Variants in HS3ST2 observed in about 807,000 individuals in gnomAD.
The protein encoded by HS3ST2 is heparan sulfate-glucosamine 3-sulfotransferase 2.
In HS3ST2, 17 loss-of-function variants were observed where a neutral mutation model predicts 26.3. The ratio of observed to expected loss-of-function variants is 0.65; its 90% CI spans 0.44 to 0.97. The LOEUF (loss-of-function observed/expected upper bound fraction) is 0.97. HS3ST2 is among the 50% of genes least tolerant of loss of function. The probability of loss-of-function intolerance (pLI) is 0.00; values close to 1 mark genes in which losing one functional copy is unlikely to be tolerated. For synonymous variants in HS3ST2, 237 were observed against 219.2 expected, an observed-to-expected ratio of 1.08 and a Z score of -0.72; for missense variants, 402 against 501.2, an observed-to-expected ratio of 0.80 and a Z score of 1.89.
chr16:22,847,038 C>T (rs77355392), intron 1 of HS3ST2, among the ~76,000 whole-genome samples: 8,059 of 152,130 alleles, frequency 0.053, 689 homozygotes, highest in African/African-American at 0.18. Context: ...TAGGTAAACT[C>T]ATGCCATGGT....
chr16:22,841,126 A>T (rs1218183172), intron 1 of HS3ST2, among the ~76,000 whole-genome samples: 2 of 151,918 alleles, frequency 1.3e-5, no homozygotes, highest in Non-Finnish European at 2.9e-5. Flanking sequence ...CAATGGCGCG[A>T]TCTCAGCTCA....
In HS3ST2 at chr16:22,915,294, C is replaced by G; in HGVS notation, c.836C>G (p.Thr279Ser). ...IHFVSGERLI[T>S]DPAGEMGRVQ... ...TTCGTCAGTGGCGAGCGACTCATCA[C>G]TGACCCGGCCGGCGAGATGGGGCGA... is the stretch of plus-strand genomic sequence containing the variant. Residue 279 changes from threonine to serine, a missense_variant, in exon 2 of 2, where the codon ACT becomes AGT. Transcript: ENST00000261374. 1 of 1,614,124 alleles carries G rather than the reference C, an allele frequency of 6.2e-7. No individual in the cohort carries two copies. The highest frequency in any genetic ancestry group is 8.5e-7 in the Non-Finnish European group (1 of 1,180,042).
At chr16:22,910,191 A>G (rs1445838077) in intron 1 of HS3ST2, among the ~76,000 whole-genome samples, 2 of 152,198 alleles carry the variant, frequency 1.3e-5, no homozygotes, top group Non-Finnish European at 2.9e-5. Context: ...AGAGATGTTA[A>G]TTGGTGCTTC....
intron 1 of HS3ST2, among the ~76,000 whole-genome samples, chr16:22,883,687 C>T (rs1902023198): frequency 6.6e-6 from 1 of 152,150 alleles, no homozygotes; most frequent in Admixed American, 6.5e-5. Flanking sequence ...ACAATTAATG[C>T]TTCTCTTCAC....
At chr16:22,835,279 T>TA (rs1014873964) in intron 1 of HS3ST2, among the ~76,000 whole-genome samples, 1 of 149,104 alleles carries the variant, frequency 6.7e-6, no homozygotes, top group Non-Finnish European at 1.5e-5. Flanking sequence ...AGAAGTTATA[T>TA]AGGCTATTTC....
chr16:22,867,340 C>T (rs190379900), intron 1 of HS3ST2, among the ~76,000 whole-genome samples: 79 of 152,028 alleles, frequency 5.2e-4, no homozygotes, highest in Admixed American at 1.2e-3. Context: ...AAGCATGGCA[C>T]CAAAGACAGA....
chr16:22,814,445 G>A lies in HS3ST2; in HGVS notation c.-166G>A. On this transcript the variant is annotated 5_prime_UTR_variant, in exon 1 of 2. It adds an upstream start codon to the 5' untranslated region. Coordinates refer to ENST00000261374, the MANE Select transcript of HS3ST2 (RefSeq NM_006043.2). ...GCTGCCCCCGGGACCCCCTGGCACT[G>A]TGCGCACCCTGGTCAGCAGCCCCCG... 6.4e-6 allele frequency: 4 copies of A among 626,560 alleles called. No individual in the cohort carries two copies. Among genetic ancestry groups the A allele is most frequent in the Non-Finnish European group, 1.0e-5 (4 of 389,704 alleles). The allele number at this position is 626,560 out of a possible 1,614,324, so 38.8% of individuals were successfully genotyped here.
At chr16:22,893,952 A>G (rs1902169847) in intron 1 of HS3ST2, among the ~76,000 whole-genome samples, 1 of 151,894 alleles carries the variant, frequency 6.6e-6, no homozygotes, top group Non-Finnish European at 1.5e-5. Context: ...ATGCCTGGCT[A>G]ATTATTTTTA....
In HS3ST2 at chr16:22,915,055, G is replaced by A. The variant is rs200403638; in HGVS notation, c.597G>A (p.Lys199=). ...TCTTCAACATGTCCCGAGACACCAA[G>A]CTGATCGTGGTTGTGCGGAACCCTG... ...RRIFNMSRDT[K]LIVVVRNPVT... Residue 199 remains lysine (K), a synonymous_variant, in exon 2 of 2, where the codon AAG becomes AAA. Coordinates refer to ENST00000261374, the MANE Select transcript of HS3ST2 (RefSeq NM_006043.2). 156 of 1,614,086 alleles carry A rather than the reference G, an allele frequency of 9.7e-5. No homozygotes were observed. In the East Asian group the frequency reaches 3.4e-3, roughly 35 times the overall value.
intron 1 of HS3ST2, among the ~76,000 whole-genome samples, chr16:22,913,284 G>A (rs1469523213): frequency 6.6e-6 from 1 of 152,078 alleles, no homozygotes; most frequent in East Asian, 1.9e-4. Flanking sequence ...AGAAGTAGCG[G>A]TTGGGAACCA....
In HS3ST2 at chr16:22,915,450, G is replaced by C; in HGVS notation, c.992G>C (p.Gly331Ala). 6.2e-7 allele frequency: 1 copy of C among 1,613,724 alleles called. No homozygotes were observed. The highest frequency in any genetic ancestry group is 1.1e-5 in the South Asian group (1 of 91,058). ...LLPRCLGKSKGRTHVQIDPEV... is the reference protein window; with the variant it reads ...LLPRCLGKSKARTHVQIDPEV... ...CCTCGATGCTTGGGCAAATCAAAAGGGAGAACTCATGTACAGATTGATCCT... is the reference window on the plus strand; with the variant it reads ...CCTCGATGCTTGGGCAAATCAAAAGCGAGAACTCATGTACAGATTGATCCT... Residue 331 changes from glycine (G) to alanine (A), a missense_variant, in exon 2 of 2, where the codon GGG becomes GCG. By Grantham distance (60) the Gly-to-Ala change is moderately conservative (BLOSUM62 0). Coordinates refer to ENST00000261374, the MANE Select transcript of HS3ST2 (RefSeq NM_006043.2).
chr16:22,879,375 G>A (rs957779663), intron 1 of HS3ST2, among the ~76,000 whole-genome samples: 3 of 152,190 alleles, frequency 2.0e-5, no homozygotes, highest in African/African-American at 4.8e-5. Context: ...TCCTGCCTTC[G>A]GAACTGTTAC....
rs1900831989 is a variant in HS3ST2, at chr16:22,814,770, C to T, written c.160C>T (p.Arg54Cys). The change falls in exon 1 of 2, where the codon CGC (arginine) becomes TGC (cysteine). Residue 54 changes from arginine to cysteine, a missense_variant. Arg to Cys is a radical substitution (Grantham distance 180, BLOSUM62 -3). Around this residue, in one of 2 missense-constraint regions of HS3ST2, gnomAD observed 165 missense variants for 154.6 expected, o/e 1.07. Coordinates refer to ENST00000261374, the MANE Select transcript of HS3ST2 (RefSeq NM_006043.2). ...LGRSRLLGAP[R>C]CLRGPSAGGQ... ...TCGGAGCCGCCTCCTCGGCGCGCCT[C>T]GCTGCCTCCGCGGCCCCAGCGCGGG... 7 of 1,603,406 alleles carry T rather than the reference C, an allele frequency of 4.4e-6. No individual in the cohort carries two copies. In the South Asian group the frequency reaches 6.7e-5, roughly 15 times the overall value.
intron 1 of HS3ST2, among the ~76,000 whole-genome samples, chr16:22,905,344 G>A (rs547579552): frequency 3.9e-5 from 6 of 152,206 alleles, no homozygotes; most frequent in South Asian, 2.1e-4. Flanking sequence ...GTTCCACTGC[G>A]TAGCCCAGTG....
chr16:22,896,796 CTTCT>C (rs1902217407), intron 1 of HS3ST2, among the ~76,000 whole-genome samples: 1 of 151,690 alleles, frequency 6.6e-6, no homozygotes, highest in Admixed American at 6.6e-5. Flanking sequence ...TTTCTTTTCT[CTTCT>C]TTCTTTTTTT....
At chr16:22,836,210 A>G (rs1187876884) in intron 1 of HS3ST2, among the ~76,000 whole-genome samples, 1 of 152,212 alleles carries the variant, frequency 6.6e-6, no homozygotes, top group African/African-American at 2.4e-5. Flanking sequence ...TGTTAAAGAT[A>G]TTTTCTTAGC....
intron 1 of HS3ST2, among the ~76,000 whole-genome samples, chr16:22,857,392 G>C (rs563632786): frequency 6.6e-6 from 1 of 152,120 alleles, no homozygotes; most frequent in African/African-American, 2.4e-5. Context: ...GATTTTCACT[G>C]TAGCCTCTCG....
intron 1 of HS3ST2, among the ~76,000 whole-genome samples, chr16:22,850,585 G>A (rs1240208234): frequency 1.1e-4 from 16 of 151,994 alleles, no homozygotes; most frequent in African/African-American, 3.6e-4. Context: ...TCAGGAGTTC[G>A]CGATCAGCCT....
At chr16:22,874,592 A>T (rs1483590664) in intron 1 of HS3ST2, among the ~76,000 whole-genome samples, 1 of 152,190 alleles carries the variant, frequency 6.6e-6, no homozygotes, top group Non-Finnish European at 1.5e-5. Flanking sequence ...AAACTCTGCC[A>T]GGCCATATGC....
Sources: allele counts gnomAD v4.1 joint callset (sites outside exome capture counted in the v4.1 genomes callset), GRCh38; gene constraint gnomAD v4.1.1; regional missense constraint gnomAD v4.1.1; transcripts MANE v1.5; gene names NCBI Gene and HGNC (gene_info 2026-07-23, HGNC 2026-07-21).